CUBN: variants seen among roughly 807,000 people sequenced by gnomAD.
CUBN encodes the protein cubilin, also known as 460 kDa receptor.
CUBN carries 282 observed loss-of-function variants against 405.3 expected under a neutral mutation model. That is an observed-to-expected ratio of 0.70 (90% CI 0.63 to 0.77). The LOEUF is 0.77. Ranked by LOEUF, CUBN falls within the 30% of genes least tolerant of loss-of-function variation. CUBN has a pLI of 0.00. For missense variants in CUBN, 4,514 were observed against 4,475.2 expected, an observed-to-expected ratio of 1.01 and a Z score of -0.25; for synonymous variants, 1,684 against 1,617.0, an observed-to-expected ratio of 1.04 and a Z score of -0.99.
At chr10:16,981,141 C>A (rs1243750815) in intron 31 of CUBN, among the ~76,000 whole-genome samples, 1 of 150,256 alleles carries the variant, frequency 6.7e-6, no homozygotes, top group Non-Finnish European at 1.5e-5. Context: ...CTGCGCCCAT[C>A]TGGTGCCCAT....
At chr10:16,982,379 G>A (rs1198684228) in intron 31 of CUBN, 105 bp downstream of exon 31, 17 of 1,037,360 alleles carry the variant, frequency 1.6e-5, no homozygotes, top group Non-Finnish European at 2.4e-5. Flanking sequence ...CCTATGAATC[G>A]ACATTAAAAA....
At chr10:16,854,254 A>G (rs1176663811) in intron 59 of CUBN, among the ~76,000 whole-genome samples, 1 of 152,228 alleles carries the variant, frequency 6.6e-6, no homozygotes, top group Non-Finnish European at 1.5e-5. Flanking sequence ...TGCATGGGCA[A>G]GCATAACTCT....
rs10562297 is a variant in CUBN at position 16,848,690 on chromosome 10, C to CTTTTTTTTTT, written c.9663+2535_9663+2544dup. On this transcript the variant is annotated intron_variant, in intron 60 of 66. Coordinates refer to ENST00000377833, the MANE Select transcript of CUBN (RefSeq NM_001081.4). ...TCTAGTCATTTTGGTCTCTCCCAGCCTTTTTTTTTTTTTTTTTTTTTTTTT... is the reference window on the plus strand; with the variant it reads ...TCTAGTCATTTTGGTCTCTCCCAGCCTTTTTTTTTTTTTTTTTTTTTTTTTTTTTTTTTTT... Among the ~76,000 whole-genome samples, 4 of 53,368 alleles carry CTTTTTTTTTT rather than the reference C, an allele frequency of 7.5e-5. 1 individual carries two copies. Among genetic ancestry groups the CTTTTTTTTTT allele is most frequent in the African/African-American group, 1.2e-4 (2 of 16,858 alleles). The allele number at this position is 53,368 out of a possible 152,430, so 35.0% of individuals were successfully genotyped here.
At position 16,940,096 on chromosome 10, in the gene CUBN, C is replaced by T. The variant is rs1842611910; in HGVS notation, c.5484G>A (p.Leu1828=). The T allele has an allele frequency of 1.9e-6, 3 of 1,614,044 alleles. No individual in the cohort carries two copies. Among genetic ancestry groups the T allele is most frequent in the Non-Finnish European group, 8.5e-7 (1 of 1,180,012 alleles). The change falls in exon 37 of 67, where the codon CTG becomes CTA. Residue 1828 remains leucine (L), a synonymous_variant. Transcript: ENST00000377833. The stretch of plus-strand genomic sequence containing the variant: ...AACCATCTGAGATAAATCTGACCCA[C>T]AGGGTATGTCCAACGATGGAAGAAT... ...LNYSSIVGHT[L]WVRFISDGSG...
In CUBN at chr10:16,970,346, G is replaced by A. The variant is rs530701108; in HGVS notation, c.4695+12138C>T. ...CACACCTGTAATCAGAGGCCGAGGC[G>A]GGTGGATCACCTGAGGTCAGAAGTT... On this transcript the variant is annotated intron_variant, in intron 31 of 66. Coordinates refer to ENST00000377833, the MANE Select transcript of CUBN (RefSeq NM_001081.4). Among the ~76,000 whole-genome samples, 20 of 152,270 alleles carry A rather than the reference G, an allele frequency of 1.3e-4. No homozygotes were observed. The South Asian group carries it at 1.7e-3, about 13-fold the overall frequency.
chr10:16,916,243 C>T (rs534555107), intron 45 of CUBN, among the ~76,000 whole-genome samples: 26 of 152,296 alleles, frequency 1.7e-4, no homozygotes, highest in African/African-American at 5.3e-4. Context: ...AATGATACCA[C>T]AAGTCCAATA....
intron 66 of CUBN, among the ~76,000 whole-genome samples, chr10:16,825,499 T>A (rs1485941010): frequency 1.3e-5 from 2 of 152,236 alleles, no homozygotes; most frequent in Non-Finnish European, 2.9e-5. Context: ...AAGTTCTTAC[T>A]GCAAATTTAA....
intron 59 of CUBN, among the ~76,000 whole-genome samples, chr10:16,868,377 A>G (rs538603786): frequency 9.8e-5 from 15 of 152,366 alleles, no homozygotes; most frequent in Non-Finnish European, 1.8e-4. Context: ...GTTTATCCAC[A>G]CTATGGAAGA....
chr10:16,907,611 A>T lies in CUBN; in HGVS notation c.7602T>A (p.Asn2534Lys), dbSNP rs763279807. Residue 2534 changes from asparagine to lysine, a missense_variant, in exon 49 of 67, where the codon AAT becomes AAA. By Grantham distance (94) the Asn-to-Lys change is moderately conservative. Around this residue, in one of 5 missense-constraint regions of CUBN, gnomAD observed 1,613 missense variants for 1,542.8 expected, o/e 1.05. Transcript: ENST00000377833. Reference sequence around the variant, plus strand: ...TTGTGTTTCCTGAAGATTTAATCTCATTGCTTACATTCACACTACTACACA... The same window carrying T: ...TTGTGTTTCCTGAAGATTTAATCTCTTTGCTTACATTCACACTACTACACA... ...EKLCSSVNVS[N>K]EIKSSGNTMK... The T allele has an allele frequency of 5.6e-6, 9 of 1,612,632 alleles. No homozygotes were observed. Among genetic ancestry groups the T allele is most frequent in the Admixed American group, 3.3e-5 (2 of 60,008 alleles).
intron 43 of CUBN, among the ~76,000 whole-genome samples, chr10:16,922,856 T>TTG (rs1280585125): frequency 6.6e-6 from 1 of 151,568 alleles, no homozygotes; most frequent in Non-Finnish European, 1.5e-5. Flanking sequence ...TCTTTTTTTT[T>TTG]TTTTTTCCTT....
At chr10:16,889,722 C>T (rs1315639987) in intron 55 of CUBN, among the ~76,000 whole-genome samples, 16 of 150,846 alleles carry the variant, frequency 1.1e-4, no homozygotes, top group Middle Eastern at 3.4e-3. Flanking sequence ...GGTGAAACCC[C>T]GTCTCTACTA....
chr10:16,852,621 T>C (rs1032823103), intron 59 of CUBN, among the ~76,000 whole-genome samples: 21 of 152,192 alleles, frequency 1.4e-4, no homozygotes, highest in Non-Finnish European at 2.9e-5. Flanking sequence ...GGAAAACACA[T>C]AGGGTTCTAC....
intron 56 of CUBN, among the ~76,000 whole-genome samples, chr10:16,886,590 C>G (rs17336427): frequency 0.025 from 3,820 of 152,210 alleles, 67 homozygotes; most frequent in Non-Finnish European, 0.04. Context: ...TATTGTCAGT[C>G]AAAGCCCAGC....
At chr10:17,112,351 A>AT (rs1836790717) in intron 8 of CUBN, among the ~76,000 whole-genome samples, 2 of 151,830 alleles carry the variant, frequency 1.3e-5, no homozygotes, top group South Asian at 4.1e-4. Flanking sequence ...ATTTTTTTCT[A>AT]TTTTTTCCAT....
At chr10:17,072,819 G>A (rs1281439198) in intron 17 of CUBN, among the ~76,000 whole-genome samples, 1 of 151,940 alleles carries the variant, frequency 6.6e-6, no homozygotes, top group Non-Finnish European at 1.5e-5. Flanking sequence ...TGAAATCTAT[G>A]TACAACTCTA....
chr10:16,945,767 CAAA>C (rs61141075), intron 36 of CUBN, among the ~76,000 whole-genome samples: 3 of 81,380 alleles, frequency 3.7e-5, no homozygotes, highest in Admixed American at 1.3e-4. Context: ...ACTGTGTCTC[CAAA>C]AAAAAAAAAA....
At chr10:16,998,590 T>C (rs546147701) in intron 28 of CUBN, among the ~76,000 whole-genome samples, 2 of 152,350 alleles carry the variant, frequency 1.3e-5, no homozygotes, top group Admixed American at 6.5e-5. Context: ...AAGAAGCTAA[T>C]GTATCCTCAT....
intron 54 of CUBN, among the ~76,000 whole-genome samples, chr10:16,898,718 C>T (rs1036851952): frequency 1.3e-5 from 2 of 152,108 alleles, no homozygotes; most frequent in Non-Finnish European, 2.9e-5. Context: ...TTAGCTGCTC[C>T]TTCAACGTTC....
intron 29 of CUBN, 131 bp downstream of exon 29, chr10:16,990,203 G>A (rs1833540655): frequency 4.4e-6 from 4 of 904,714 alleles, no homozygotes; most frequent in East Asian, 2.4e-5. Flanking sequence ...TCACCGAAGG[G>A]CTGATGCTCA....
Sources: allele counts gnomAD v4.1 joint callset (sites outside exome capture counted in the v4.1 genomes callset), GRCh38; gene constraint gnomAD v4.1.1; regional missense constraint gnomAD v4.1.1; transcripts MANE v1.5; gene names NCBI Gene and HGNC (gene_info 2026-07-23, HGNC 2026-07-21).